Variants in VKORC1 observed in about 807,000 individuals in gnomAD.
VKORC1 encodes the protein phylloquinone epoxide reductase.
Under a neutral mutation model 14.8 loss-of-function variants are expected in VKORC1, and 12 were observed. That is an observed-to-expected ratio of 0.81 (90% CI 0.52 to 1.31). The LOEUF (loss-of-function observed/expected upper bound fraction) is 1.31. VKORC1 is among the 50% of genes most tolerant of loss of function. The probability of loss-of-function intolerance (pLI) is 0.00; values close to 1 mark genes in which losing one functional copy is unlikely to be tolerated. For synonymous variants in VKORC1, 94 were observed against 92.5 expected (o/e 1.02, Z -0.09); for missense variants, 223 against 215.3 (o/e 1.04, Z -0.22).
intron 2 of VKORC1, 90 bp from the exon 3 acceptor site, chr16:31,091,432 G>A (rs2143903260): frequency 6.5e-7 from 1 of 1,545,988 alleles, no homozygotes; most frequent in East Asian, 2.4e-5. Context: ...TAGATGCCAG[G>A]AGCTGCTGGG....
chr16:31,094,477 C>G (rs764924981), intron 1 of VKORC1, 80 bp downstream of exon 1: 119 of 1,612,756 alleles, frequency 7.4e-5, no homozygotes, highest in Non-Finnish European at 4.2e-6. Flanking sequence ...CCGGGCACAC[C>G]GATCCCAGAC....
At chr16:31,092,334 A>G in intron 2 of VKORC1, among the ~76,000 whole-genome samples, 1 of 151,996 alleles carries the variant, frequency 6.6e-6, no homozygotes, top group Middle Eastern at 3.2e-3. Context: ...TTCTTAAAAA[A>G]AAAAAAAAAG....
At position 31,093,277 on chromosome 16, in the gene VKORC1, GGCGGGGCGGGCAGGGAGGGGGCGGA is replaced by G. The variant is rs1237077436; in HGVS notation, c.283+10_283+34del. The G allele has an allele frequency of 1.3e-6, 2 of 1,593,460 alleles. No individual in the cohort carries two copies. The highest frequency in any genetic ancestry group is 1.7e-5 in the Admixed American group (1 of 59,482). On this transcript the variant is annotated intron_variant, in intron 2 of 2. Transcript: ENST00000394975. The stretch of plus-strand genomic sequence containing the variant: ...GCTGACCAAGGGGGATGAGGGGCGG[GGCGGGGCGGGCAGGGAGGGGGCGGA>G]GCCACTCACCTAACAATAGCTGTAG...
intron 2 of VKORC1, 57 bp from the exon 3 acceptor site, chr16:31,091,399 C>CT: frequency 6.4e-7 from 1 of 1,573,868 alleles, no homozygotes; most frequent in Admixed American, 1.9e-5. Context: ...CTCCCGAACA[C>CT]TCCATGATGT....
chr16:31,093,216 T>A, intron 2 of VKORC1, 96 bp downstream of exon 2: 1 of 1,297,616 alleles, frequency 7.7e-7, no homozygotes, highest in Non-Finnish European at 1.1e-6. Context: ...GGCTGTCAGC[T>A]GTGTGGATCA....
intron 2 of VKORC1, chr16:31,092,768 G>A (rs1182715697): frequency 7.8e-7 from 1 of 1,281,260 alleles, no homozygotes. Context: ...GTGTTGGTGG[G>A]GCATGGTAGC....
chr16:31,093,375 T>C lies in VKORC1; in HGVS notation c.220A>G (p.Ser74Gly). 1 of 1,614,164 alleles carries C rather than the reference T, an allele frequency of 6.2e-7. No individual in the cohort carries two copies. Among genetic ancestry groups the C allele is most frequent in the South Asian group, 1.1e-5 (1 of 91,092 alleles). Residue 74 changes from serine to glycine, a missense_variant, in exon 2 of 3, where the codon AGC (serine) becomes GGC (glycine). Transcript: ENST00000394975. Reference protein sequence around the residue: ...GLVEHVLGQDSILNQSNSIFG... With the variant: ...GLVEHVLGQDGILNQSNSIFG... ...ATGCTGTTGGATTGATTGAGGATGC[T>C]GTCCTGTCCCAGCACATGCTCCACC...
chr16:31,094,239 G>C, intron 1 of VKORC1: 1 of 1,607,598 alleles, frequency 6.2e-7, no homozygotes, highest in Non-Finnish European at 8.5e-7. Flanking sequence ...CTTCACCTGC[G>C]CGCCGTCCTT....
chr16:31,092,796 C>T lies in VKORC1; in HGVS notation c.283+516G>A, dbSNP rs1185313310. ...ATGGTAGCTCACGCCTGTAATCCCCCCAGCACTTTGGGAGGCTGAGGCAGA... is the reference window on the plus strand; with the variant it reads ...ATGGTAGCTCACGCCTGTAATCCCCTCAGCACTTTGGGAGGCTGAGGCAGA... On this transcript the variant is annotated intron_variant, in intron 2 of 2. Transcript: ENST00000394975. 3 of 1,272,714 alleles carry T rather than the reference C, an allele frequency of 2.4e-6. No individual in the cohort carries two copies. In the African/African-American group the frequency reaches 4.6e-5, roughly 20 times the overall value. 78.8% of individuals were successfully genotyped at this position (1,272,714 alleles called of 1,614,324 possible).
At chr16:31,092,766 G>A in intron 2 of VKORC1, 6 of 1,280,748 alleles carry the variant, frequency 4.7e-6, no homozygotes, top group Non-Finnish European at 6.1e-6. Flanking sequence ...GGGTGTTGGT[G>A]GGGCATGGTA....
chr16:31,094,366 CT>C (rs763896856), intron 1 of VKORC1, 190 bp downstream of exon 1: 1 of 1,612,968 alleles, frequency 6.2e-7, no homozygotes, highest in Admixed American at 1.7e-5. Context: ...CCAGCACTGT[CT>C]GGTCCCTTGC....
intron 2 of VKORC1, 88 bp downstream of exon 2, chr16:31,093,224 T>C: frequency 7.5e-7 from 1 of 1,331,972 alleles, no homozygotes; most frequent in Non-Finnish European, 1.0e-6. Flanking sequence ...GCTGTGTGGA[T>C]CACCAAGATT....
chr16:31,094,527 A>G (rs376417746), intron 1 of VKORC1, 30 bp downstream of exon 1: 110 of 1,612,408 alleles, frequency 6.8e-5, no homozygotes, highest in Middle Eastern at 3.3e-4. Context: ...CCCTGCTCCG[A>G]GGCCCCACGC....
intron 2 of VKORC1, among the ~76,000 whole-genome samples, chr16:31,093,101 T>C (rs1346552824): frequency 6.6e-6 from 1 of 151,978 alleles, no homozygotes; most frequent in Non-Finnish European, 1.5e-5. Flanking sequence ...AGGATGTCTT[T>C]AAGGGCCCTT....
intron 2 of VKORC1, among the ~76,000 whole-genome samples, chr16:31,092,258 G>A (rs1451176029): frequency 6.8e-6 from 1 of 147,402 alleles, no homozygotes; most frequent in Non-Finnish European, 1.5e-5. Flanking sequence ...AGGATCGCTT[G>A]AGCCAGGTTA....
At position 31,091,284 on chromosome 16, in the gene VKORC1, G is replaced by A. The variant is rs2057287810; in HGVS notation, c.342C>T (p.Leu114=). ...VLMLLSSLVS[L]AGSVYLAWIL... ...TCCAGGCCAGGTAGACAGAACCAGC[G>A]AGAGACACCAGGGAGCTCAGCAGCA... is the stretch of plus-strand genomic sequence containing the variant. Residue 114 remains leucine, a synonymous_variant, in exon 3 of 3, where the codon CTC becomes CTT. Coordinates refer to ENST00000394975, the MANE Select transcript of VKORC1 (RefSeq NM_024006.6). The A allele has an allele frequency of 5.0e-6, 8 of 1,614,166 alleles. No individual in the cohort carries two copies. Among genetic ancestry groups the A allele is most frequent in the Admixed American group, 3.3e-5 (2 of 60,022 alleles).
At chr16:31,093,233 T>G (rs913128599) in intron 2 of VKORC1, 79 bp downstream of exon 2, 6 of 1,411,972 alleles carry the variant, frequency 4.2e-6, no homozygotes, top group African/African-American at 1.5e-5. Context: ...ATCACCAAGA[T>G]TGCATGGAGT....
At chr16:31,094,428 G>A (rs1243723801) in intron 1 of VKORC1, 129 bp downstream of exon 1, 1 of 1,612,840 alleles carries the variant, frequency 6.2e-7, no homozygotes, top group African/African-American at 1.3e-5. Flanking sequence ...CAGCCCCTGT[G>A]CAACGACCCC....
At chr16:31,092,372 A>G (rs991772303) in intron 2 of VKORC1, among the ~76,000 whole-genome samples, 1 of 150,970 alleles carries the variant, frequency 6.6e-6, no homozygotes, top group African/African-American at 2.4e-5. Flanking sequence ...CCTCCAAGGG[A>G]CTGGTCTCTG....
Sources: allele counts gnomAD v4.1 joint callset (sites outside exome capture counted in the v4.1 genomes callset), GRCh38; gene constraint gnomAD v4.1.1; transcripts MANE v1.5; gene names NCBI Gene and HGNC (gene_info 2026-07-23, HGNC 2026-07-21).